The following PPDPFL variants were observed in gnomAD, a reference collection of about 807,000 sequenced individuals.
PPDPFL encodes the protein pancreatic progenitor cell differentiation and proliferation factor-like protein.
A neutral mutation model predicts 12.6 loss-of-function variants in PPDPFL; 12 were observed. The ratio of observed to expected loss-of-function variants is 0.95; its 90% CI spans 0.61 to 1.54. The LOEUF is 1.54. Ranked by LOEUF, PPDPFL falls within the 40% of genes most tolerant of loss-of-function variation. The pLI is 0.00. For synonymous variants in PPDPFL, 24 were observed against 32.7 expected, an observed-to-expected ratio of 0.73 and a Z score of 0.91; for missense variants, 114 against 96.0, an observed-to-expected ratio of 1.19 and a Z score of -0.78.
chr8:49,074,154 T>A lies in PPDPFL; in HGVS notation c.133+18T>A, dbSNP rs756315470. The A allele has an allele frequency of 3.1e-6, 5 of 1,606,000 alleles. No individual in the cohort carries two copies. Among genetic ancestry groups the A allele is most frequent in the Non-Finnish European group, 4.3e-6 (5 of 1,172,776 alleles). On this transcript the variant is annotated intron_variant, in intron 3 of 4. Coordinates refer to ENST00000522267, the MANE Select transcript of PPDPFL (RefSeq NM_001256597.2). ...ACAGCAAGGTACTTAGTTATTTCTT[T>A]CAGTGTCATCCTTATTATTTCTTTT...
At chr8:49,068,071 A>G (rs930652464), upstream of PPDPFL, among the ~76,000 whole-genome samples, 1 of 152,152 alleles carries the variant, frequency 6.6e-6, no homozygotes, top group Non-Finnish European at 1.5e-5. Context: ...TTTAATTATT[A>G]CCCGAGGATG....
At chr8:49,065,142 C>CA (rs1329435354) in intron 1 of PPDPFL, among the ~76,000 whole-genome samples, 3 of 150,850 alleles carry the variant, frequency 2.0e-5, no homozygotes, top group African/African-American at 7.4e-5. Context: ...TATTGAAAAA[C>CA]AAAAAAACAA....
upstream of PPDPFL, among the ~76,000 whole-genome samples, chr8:49,068,230 T>C (rs1808329631): frequency 1.3e-5 from 2 of 152,154 alleles, no homozygotes; most frequent in South Asian, 2.1e-4. Flanking sequence ...CACAATTTAA[T>C]ATGTGAGAGA....
chr8:49,070,710 A>G (rs547434294), upstream of PPDPFL, among the ~76,000 whole-genome samples: 1 of 152,316 alleles, frequency 6.6e-6, no homozygotes, highest in East Asian at 1.9e-4. Context: ...GGTGAAGTAG[A>G]TATTTATTAT....
At position 49,059,583 on chromosome 8, in the gene PPDPFL, T is replaced by C. The variant is rs1379144628; in HGVS notation, c.-45+5214T>C. The stretch of plus-strand genomic sequence containing the variant: ...TCTAGATGGCAAGCAAAACTATTGT[T>C]ATGCAAACACTTACTCTGTAATTAC... On this transcript the variant is annotated intron_variant, in intron 1 of 4. Transcript: ENST00000517663. 2.6e-5 allele frequency among the ~76,000 whole-genome samples: 4 copies of C among 152,348 alleles called. No individual in the cohort carries two copies. In the East Asian group the frequency reaches 7.7e-4, roughly 29 times the overall value.
chr8:49,074,091 A>G lies in PPDPFL; in HGVS notation c.88A>G (p.Ser30Gly). 2 of 1,613,190 alleles carry G rather than the reference A, an allele frequency of 1.2e-6. No individual in the cohort carries two copies. The highest frequency in any genetic ancestry group is 1.7e-6 in the Non-Finnish European group (2 of 1,179,244). Residue 30 changes from serine (S) to glycine (G), a missense_variant, in exon 3 of 5, where the codon AGC becomes GGC. By Grantham distance (56) the Ser-to-Gly change is moderately conservative (BLOSUM62 0). Transcript: ENST00000522267. The stretch of plus-strand genomic sequence containing the variant: ...TGTTTCTTCAGTTAGTTCTTTAACT[A>G]GCTCTGATTCTGTTAACTTCATAGA... ...SSVSSVSSLT[S>G]SDSVNFIDDD...
chr8:49,075,174 C>G lies in PPDPFL; in HGVS notation c.*1C>G, dbSNP rs1438229278. On this transcript the variant is annotated 3_prime_UTR_variant, in exon 5 of 5. Coordinates refer to ENST00000522267, the MANE Select transcript of PPDPFL (RefSeq NM_001256597.2). ...CAGATTACAGATGAGCACTTTGTAGCTGATCATCTTTGCACTGCCATTTGA... is the reference window on the plus strand; with the variant it reads ...CAGATTACAGATGAGCACTTTGTAGGTGATCATCTTTGCACTGCCATTTGA... 6.2e-7 allele frequency: 1 copy of G among 1,613,164 alleles called. No homozygotes were observed. Among genetic ancestry groups the G allele is most frequent in the South Asian group, 1.1e-5 (1 of 91,074 alleles).
chr8:49,073,115 A>G (rs759113200), intron 2 of PPDPFL, among the ~76,000 whole-genome samples: 4 of 152,212 alleles, frequency 2.6e-5, no homozygotes, highest in African/African-American at 4.8e-5. Flanking sequence ...AAAATCAGTG[A>G]ACATCGGCTT....
intron 1 of PPDPFL, among the ~76,000 whole-genome samples, chr8:49,063,526 C>T (rs552154129): frequency 1.3e-5 from 2 of 152,186 alleles, no homozygotes; most frequent in South Asian, 4.2e-4. Flanking sequence ...TCGAGACCAG[C>T]CTGGGCAACA....
intron 1 of PPDPFL, among the ~76,000 whole-genome samples, chr8:49,059,834 C>T (rs1808169124): frequency 6.6e-6 from 1 of 152,176 alleles, no homozygotes; most frequent in African/African-American, 2.4e-5. Flanking sequence ...TCTGTAGTTT[C>T]TGGCAACAGC....
chr8:49,063,248 A>G (rs1808241716), intron 1 of PPDPFL, among the ~76,000 whole-genome samples: 1 of 152,210 alleles, frequency 6.6e-6, no homozygotes, highest in Non-Finnish European at 1.5e-5. Flanking sequence ...CATGGCTGGC[A>G]GAACAATCAT....
Position 49,074,137 on chromosome 8 carries a change from G to C in PPDPFL, c.133+1G>C. On this transcript the variant is annotated splice_donor_variant, in intron 3 of 4. Transcript: ENST00000522267. LOFTEE classifies it high-confidence loss of function. ...ATAGATGACGACAAACCACAGCAAG[G>C]TACTTAGTTATTTCTTTCAGTGTCA... The C allele has an allele frequency of 6.2e-7, 1 of 1,611,240 alleles. No individual in the cohort carries two copies. The highest frequency in any genetic ancestry group is 1.3e-5 in the African/African-American group (1 of 74,972).
intron 1 of PPDPFL, among the ~76,000 whole-genome samples, chr8:49,065,938 AG>A (rs1209046300): frequency 3.3e-5 from 5 of 152,240 alleles, no homozygotes; most frequent in Non-Finnish European, 5.9e-5. Context: ...CGGCCTAGAA[AG>A]GGAATTTTAT....
intron 1 of PPDPFL, among the ~76,000 whole-genome samples, chr8:49,061,248 TG>T (rs1808197455): frequency 6.6e-6 from 1 of 152,032 alleles, no homozygotes; most frequent in Admixed American, 6.5e-5. Context: ...CTTATTAGGG[TG>T]GGCTCCAATG....
Position 49,072,735 on chromosome 8 carries a change from G to A in PPDPFL, c.-44-52G>A, listed in dbSNP as rs920218865. The A allele has an allele frequency of 2.3e-5, 19 of 825,534 alleles. No individual in the cohort carries two copies. In the African/African-American group the frequency reaches 3.0e-4, roughly 13 times the overall value. 51.1% of individuals were successfully genotyped at this position (825,534 alleles called of 1,614,324 possible). ...TAACAGTCACGTGGAAAAAAGAAAA[G>A]GAAACTCCCTGTTATTCATATCAAT... On this transcript the variant is annotated intron_variant, in intron 1 of 4. Coordinates refer to ENST00000522267, the MANE Select transcript of PPDPFL (RefSeq NM_001256597.2).
upstream of PPDPFL, among the ~76,000 whole-genome samples, chr8:49,070,119 A>G (rs1808355303): frequency 1.3e-5 from 2 of 152,350 alleles, no homozygotes; most frequent in Admixed American, 1.3e-4. Context: ...GGAGGCCATG[A>G]TCCTTAGCAA....
upstream of PPDPFL, among the ~76,000 whole-genome samples, chr8:49,069,794 G>A (rs568633770): frequency 6.6e-6 from 1 of 152,158 alleles, no homozygotes; most frequent in African/African-American, 2.4e-5. Flanking sequence ...AATTAGTCGG[G>A]CATGGTAGTG....
rs535690583 is a variant in PPDPFL at position 49,056,984 on chromosome 8, G to A, written c.-45+2615G>A. ...GCACAGATACCCCGTTTCTAGATTA[G>A]AAAATAAACTCCCCAGTTTTGTTGC... On this transcript the variant is annotated intron_variant, in intron 1 of 4. Transcript: ENST00000517663. Among the ~76,000 whole-genome samples, 43 of 152,228 alleles carry A rather than the reference G, an allele frequency of 2.8e-4. 1 individual carries two copies. Among genetic ancestry groups the A allele is most frequent in the African/African-American group, 1.0e-3 (42 of 41,554 alleles).
intron 1 of PPDPFL, among the ~76,000 whole-genome samples, chr8:49,066,961 C>T (rs1252238926): frequency 6.6e-6 from 1 of 152,130 alleles, no homozygotes; most frequent in Non-Finnish European, 1.5e-5. Context: ...CTCATGAGAG[C>T]ACACTGCTCT....
Sources: allele counts gnomAD v4.1 joint callset (sites outside exome capture counted in the v4.1 genomes callset), GRCh38; gene constraint gnomAD v4.1.1; transcripts MANE v1.5; gene names NCBI Gene and HGNC (gene_info 2026-07-23, HGNC 2026-07-21).